ZNF280B: variants seen among roughly 807,000 people sequenced by gnomAD.
ZNF280B encodes zinc finger protein 280B, also known as suppressor of hairy wing homolog 2.
A neutral mutation model predicts 38.0 loss-of-function variants in ZNF280B; 16 were observed. The observed-to-expected ratio is 0.42, with a 90% CI of 0.28 to 0.64. The LOEUF is 0.64. Among genes scored for constraint, ZNF280B ranks in the 30% least tolerant of loss-of-function variants. ZNF280B has a pLI of 0.21. For missense variants in ZNF280B, 581 were observed against 639.6 expected, an observed-to-expected ratio of 0.91 and a Z score of 0.99; for synonymous variants, 253 against 230.6, an observed-to-expected ratio of 1.10 and a Z score of -0.88.
intron 2 of ZNF280B, among the ~76,000 whole-genome samples, chr22:22,501,841 C>T (rs9623694): frequency 0.047 from 7,119 of 151,892 alleles, 589 homozygotes; most frequent in African/African-American, 0.16. Context: ...GAGACCCTAC[C>T]TCTACAAAAA....
chr22:22,494,884 C>T (rs997492534), intron 2 of ZNF280B, among the ~76,000 whole-genome samples: 6 of 151,864 alleles, frequency 4.0e-5, no homozygotes, highest in African/African-American at 1.2e-4. Context: ...CGTGCCACCA[C>T]GCCTGGCTAA....
rs2061480426 is a variant in ZNF280B, at chr22:22,484,458, T to C, written c.*3309A>G. On this transcript the variant is annotated 3_prime_UTR_variant, in exon 4 of 4. Transcript: ENST00000626650. Reference sequence around the variant, plus strand: ...AACATTTTATTACTATAATTGATATTTTACTTATAATTTTTGGCAACATTA... The same window carrying C: ...AACATTTTATTACTATAATTGATATCTTACTTATAATTTTTGGCAACATTA... 6.6e-6 allele frequency: 1 copy of C among 152,394 alleles called. No individual in the cohort carries two copies. The highest frequency in any genetic ancestry group is 1.5e-5 in the Non-Finnish European group (1 of 68,022). 9.4% of individuals were successfully genotyped at this position (152,394 alleles called of 1,614,324 possible).
At chr22:22,495,450 GAAGA>G (rs1319108856) in intron 2 of ZNF280B, among the ~76,000 whole-genome samples, 5 of 151,960 alleles carry the variant, frequency 3.3e-5, no homozygotes, top group African/African-American at 7.3e-5. Context: ...TCCAGTGGAG[GAAGA>G]AAGATAGTAA....
At chr22:22,508,605 C>A (rs1381273973) in intron 1 of ZNF280B, 54 bp downstream of exon 1, 1 of 152,086 alleles carries the variant, frequency 6.6e-6, no homozygotes, top group Non-Finnish European at 1.5e-5. Flanking sequence ...GCCATGAAAT[C>A]CCTCAAGTCT....
intron 2 of ZNF280B, among the ~76,000 whole-genome samples, chr22:22,503,494 G>A (rs780147140): frequency 2.6e-5 from 4 of 151,870 alleles, no homozygotes; most frequent in African/African-American, 7.3e-5. Context: ...GACTCAATTC[G>A]TAGCAAGGAT....
chr22:22,492,451 T>C (rs1382497247), intron 3 of ZNF280B, among the ~76,000 whole-genome samples: 1 of 151,910 alleles, frequency 6.6e-6, no homozygotes, highest in Non-Finnish European at 1.5e-5. Context: ...TCCCCCAGGG[T>C]GGCAACTAAA....
intron 3 of ZNF280B, among the ~76,000 whole-genome samples, 164 bp from the exon 4 acceptor site, chr22:22,489,630 GA>G (rs1243079927): frequency 6.6e-6 from 1 of 151,604 alleles, no homozygotes; most frequent in Non-Finnish European, 1.5e-5. Context: ...AGGTTCCTAT[GA>G]ATCTAGAATC....
chr22:22,496,031 CCT>C (rs1352327268), intron 2 of ZNF280B, among the ~76,000 whole-genome samples: 1 of 151,324 alleles, frequency 6.6e-6, no homozygotes, highest in African/African-American at 2.4e-5. Context: ...GTCTCGAACC[CCT>C]GACCTCAGGT....
chr22:22,490,081 T>A (rs1039043218), intron 3 of ZNF280B, among the ~76,000 whole-genome samples: 5 of 152,036 alleles, frequency 3.3e-5, no homozygotes, highest in Admixed American at 6.6e-5. Context: ...TACCTACACA[T>A]AACCAACAAA....
rs1305407223 is a variant in ZNF280B at position 22,492,823 on chromosome 22, T to C, written c.-69+1240A>G. Among the ~76,000 whole-genome samples, 12 of 149,770 alleles carry C rather than the reference T, an allele frequency of 8.0e-5. No individual in the cohort carries two copies. The East Asian group carries it at 1.8e-3, about 23-fold the overall frequency. On this transcript the variant is annotated intron_variant, in intron 3 of 3. Coordinates refer to ENST00000626650, the MANE Select transcript of ZNF280B (RefSeq NM_080764.4). ...ATCGCTTGAATCCAGGAGGCGGAGG[T>C]TGCAGTAAGCCAAGACCACGTCACT...
Position 22,488,187 on chromosome 22 carries a change from C to A in ZNF280B, c.1212G>T (p.Val404=). 1.2e-6 allele frequency: 2 copies of A among 1,613,918 alleles called. No homozygotes were observed. Among genetic ancestry groups the A allele is most frequent in the Non-Finnish European group, 1.7e-6 (2 of 1,179,976 alleles). Reference sequence around the variant, plus strand: ...ACGATCTATAATGGCAAACCTGGCACACATAGGGCATTTCGCCAGGCTTAT... The same window carrying A: ...ACGATCTATAATGGCAAACCTGGCAAACATAGGGCATTTCGCCAGGCTTAT... ...DHHKPGEMPY[V]CQVCHYRSSV... is the part of the protein sequence containing the mutation. Residue 404 remains valine (V), a synonymous_variant, in exon 4 of 4, where the codon GTG becomes GTT. Coordinates refer to ENST00000626650, the MANE Select transcript of ZNF280B (RefSeq NM_080764.4).
At position 22,494,198 on chromosome 22, in the gene ZNF280B, G is replaced by T. The variant is rs2061651212; in HGVS notation, c.-186-18C>A. 1 of 151,880 alleles carries T rather than the reference G, an allele frequency of 6.6e-6. No individual in the cohort carries two copies. The highest frequency in any genetic ancestry group is 2.1e-4 in the South Asian group (1 of 4,810). The allele number at this position is 151,880 out of a possible 1,614,324, so 9.4% of individuals were successfully genotyped here. ...TTCCCAGCCTAAAAATGTGAGAAAT[G>T]AATTCCTGTTGTTAATAAACCATCA... On this transcript the variant is annotated intron_variant, in intron 2 of 3. Coordinates refer to ENST00000626650, the MANE Select transcript of ZNF280B (RefSeq NM_080764.4).
Position 22,485,606 on chromosome 22 carries a change from A to G in ZNF280B, c.*2161T>C, listed in dbSNP as rs1258019270. ...ATAATATACTCACAACTTCTTTGTT[A>G]TCTGTACTGCCTTCTACTCTAAGAG... On this transcript the variant is annotated 3_prime_UTR_variant, in exon 4 of 4. Coordinates refer to ENST00000626650, the MANE Select transcript of ZNF280B (RefSeq NM_080764.4). 2.6e-5 allele frequency: 4 copies of G among 151,984 alleles called. No homozygotes were observed. The highest frequency in any genetic ancestry group is 4.4e-5 in the Non-Finnish European group (3 of 68,024). 9.4% of individuals were successfully genotyped at this position (151,984 alleles called of 1,614,324 possible).
At chr22:22,503,160 A>G (rs2061859773) in intron 2 of ZNF280B, among the ~76,000 whole-genome samples, 1 of 151,934 alleles carries the variant, frequency 6.6e-6, no homozygotes, top group African/African-American at 2.4e-5. Context: ...CTCCCGAACT[A>G]AGGGAGAATA....
At chr22:22,502,468 C>T (rs1413204526) in intron 2 of ZNF280B, among the ~76,000 whole-genome samples, 1 of 151,864 alleles carries the variant, frequency 6.6e-6, no homozygotes, top group Non-Finnish European at 1.5e-5. Flanking sequence ...GAAAATATAA[C>T]ACATATATAA....
At chr22:22,499,693 A>G (rs546953791) in intron 2 of ZNF280B, among the ~76,000 whole-genome samples, 48 of 152,136 alleles carry the variant, frequency 3.2e-4, no homozygotes, top group African/African-American at 1.1e-3. Flanking sequence ...TCTCCACCAG[A>G]CAAAGGCATC....
chr22:22,504,410 C>G (rs2061890731), intron 2 of ZNF280B, among the ~76,000 whole-genome samples: 2 of 147,496 alleles, frequency 1.4e-5, no homozygotes, highest in African/African-American at 5.1e-5. Flanking sequence ...CTGGACAACA[C>G]AGCAAGACTC....
intron 2 of ZNF280B, among the ~76,000 whole-genome samples, chr22:22,499,808 A>G (rs1458625630): frequency 6.6e-6 from 1 of 151,930 alleles, no homozygotes; most frequent in Non-Finnish European, 1.5e-5. Flanking sequence ...TAACCACTTC[A>G]ACTCAACACC....
chr22:22,489,101 T>C lies in ZNF280B; in HGVS notation c.298A>G (p.Thr100Ala), dbSNP rs1010726630. The C allele has an allele frequency of 2.4e-5, 38 of 1,613,786 alleles. No homozygotes were observed. The highest frequency in any genetic ancestry group is 2.9e-5 in the Non-Finnish European group (34 of 1,179,976). The change falls in exon 4 of 4, where the codon ACC (threonine) becomes GCC (alanine). Residue 100 changes from threonine to alanine, a missense_variant. Coordinates refer to ENST00000626650, the MANE Select transcript of ZNF280B (RefSeq NM_080764.4). ...TCAAGTTGGGAAGCTGGCAGGACGG[T>C]CACTGCTTCTGATGTAACGGTCTCA... Reference protein sequence around the residue: ...SHETVTSEAVTVLPASQLESR... With the variant: ...SHETVTSEAVAVLPASQLESR...
Sources: allele counts gnomAD v4.1 joint callset (sites outside exome capture counted in the v4.1 genomes callset), GRCh38; gene constraint gnomAD v4.1.1; transcripts MANE v1.5; gene names NCBI Gene and HGNC (gene_info 2026-07-23, HGNC 2026-07-21).